Variants in SHPRH observed in about 807,000 individuals in gnomAD.
SHPRH encodes E3 ubiquitin-protein ligase SHPRH.
In SHPRH, 106 loss-of-function variants were observed where a neutral mutation model predicts 202.5. The observed-to-expected ratio is 0.52, with a 90% CI of 0.45 to 0.62. The LOEUF is 0.62. Ranked by LOEUF, SHPRH falls within the 20% of genes least tolerant of loss-of-function variation. The probability of loss-of-function intolerance (pLI) is 0.00; values close to 1 mark genes in which losing one functional copy is unlikely to be tolerated. For synonymous variants in SHPRH, 729 were observed against 686.0 expected (o/e 1.06, Z -0.98); for missense variants, 1,710 against 2,020.0 (o/e 0.85, Z 2.94).
At chr6:145,954,591 G>A (rs1788306387) in intron 2 of SHPRH, 99 bp downstream of exon 2, 1 of 1,251,176 alleles carries the variant, frequency 8.0e-7, no homozygotes, top group South Asian at 1.5e-5. Flanking sequence ...ACAATGAAAG[G>A]CTTATTGCTG....
intron 2 of SHPRH, among the ~76,000 whole-genome samples, chr6:145,868,926 ATATT>A (rs1306008260): frequency 6.6e-6 from 1 of 152,186 alleles, no homozygotes. Flanking sequence ...AATGCCTCTC[ATATT>A]TATTTCATGA....
At chr6:145,898,100 T>C (rs906205697) in intron 25 of SHPRH, among the ~76,000 whole-genome samples, 2 of 152,162 alleles carry the variant, frequency 1.3e-5, no homozygotes, top group Non-Finnish European at 2.9e-5. Context: ...ATCTTATATA[T>C]ACAAAATCCT....
chr6:145,886,930 A>T (rs1335886710), intron 29 of SHPRH, 143 bp from the exon 30 acceptor site: 2 of 780,184 alleles, frequency 2.6e-6, no homozygotes, highest in Non-Finnish European at 3.8e-6. Flanking sequence ...AAAGCAAGTG[A>T]TAAAATCTTT....
chr6:145,870,470 G>A (rs1360249602), intron 2 of SHPRH, among the ~76,000 whole-genome samples: 5 of 151,906 alleles, frequency 3.3e-5, no homozygotes, highest in Admixed American at 6.6e-5. Context: ...CACCATGTTA[G>A]CCAGGATAGT....
In SHPRH at chr6:145,886,608, G is replaced by A. The variant is rs1197149221; in HGVS notation, c.*83C>T. The A allele has an allele frequency of 2.6e-6, 4 of 1,567,812 alleles. No individual in the cohort carries two copies. In the East Asian group the frequency reaches 9.1e-5, roughly 36 times the overall value. On this transcript the variant is annotated 3_prime_UTR_variant, in exon 30 of 30. Coordinates refer to ENST00000275233, the MANE Select transcript of SHPRH (RefSeq NM_001042683.3). ...AGGAACAGTGTTACTGTTATCTACT[G>A]GGTTTTTAAAACTTGTAACTTTGCT...
At chr6:145,869,498 TTTGAG>T (rs1212717043) in intron 2 of SHPRH, among the ~76,000 whole-genome samples, 5 of 152,192 alleles carry the variant, frequency 3.3e-5, no homozygotes, top group Admixed American at 3.3e-4. Context: ...TGTGATTCAT[TTTGAG>T]TTAATTTTTG....
chr6:145,892,550 T>C (rs1418061052), intron 28 of SHPRH, among the ~76,000 whole-genome samples: 3 of 152,220 alleles, frequency 2.0e-5, no homozygotes, highest in African/African-American at 7.2e-5. Flanking sequence ...TAAGTGCTTA[T>C]TATGGATGTG....
chr6:145,909,516 G>A (rs1158344842), intron 25 of SHPRH: 1 of 152,118 alleles, frequency 6.6e-6, no homozygotes, highest in Non-Finnish European at 1.5e-5. Flanking sequence ...TGCAGCTACA[G>A]TTTTCTTGGG....
chr6:145,900,836 T>G (rs1782443840), intron 25 of SHPRH, among the ~76,000 whole-genome samples: 1 of 152,278 alleles, frequency 6.6e-6, no homozygotes, highest in Non-Finnish European at 1.5e-5. Flanking sequence ...TTTTTAAATA[T>G]GCTGTATTGT....
At chr6:145,941,993 A>T in intron 9 of SHPRH, 119 bp from the exon 10 acceptor site, 1 of 1,205,878 alleles carries the variant, frequency 8.3e-7, no homozygotes, top group Non-Finnish European at 1.1e-6. Context: ...TCATGCTATG[A>T]GACAGATCCC....
At position 145,935,164 on chromosome 6, in the gene SHPRH, C is replaced by CT. The variant is rs1473554607; in HGVS notation, c.2734-2dup. ...CTTCGGTTTGTGGTGGTATTTGGAT[C>CT]TGTGAAAAGGAGCAGAAAAAAAAAA... On this transcript the variant is annotated splice_acceptor_variant, in intron 12 of 29. Coordinates refer to ENST00000275233, the MANE Select transcript of SHPRH (RefSeq NM_001042683.3). LOFTEE classifies it high-confidence loss of function. The CT allele has an allele frequency of 5.0e-6, 8 of 1,610,190 alleles. No homozygotes were observed. The highest frequency in any genetic ancestry group is 6.8e-6 in the Non-Finnish European group (8 of 1,178,958).
chr6:145,910,750 C>T, intron 24 of SHPRH, 114 bp from the exon 25 acceptor site: 1 of 1,064,478 alleles, frequency 9.4e-7, no homozygotes, highest in Non-Finnish European at 1.3e-6. Flanking sequence ...CATTAATATT[C>T]TTTGTCATAA....
At chr6:145,892,393 C>T (rs1168785474) in intron 28 of SHPRH, among the ~76,000 whole-genome samples, 1 of 152,088 alleles carries the variant, frequency 6.6e-6, no homozygotes, top group African/African-American at 2.4e-5. Context: ...TATACTTTTG[C>T]ACATTCTACC....
intron 25 of SHPRH, chr6:145,907,074 A>T (rs1433950425): frequency 1.3e-5 from 2 of 152,106 alleles, no homozygotes; most frequent in Non-Finnish European, 2.9e-5. Context: ...TTGTATCTCC[A>T]GCTCCACATA....
intron 23 of SHPRH, among the ~76,000 whole-genome samples, chr6:145,916,877 G>A (rs1784005318): frequency 6.6e-6 from 1 of 151,894 alleles, no homozygotes; most frequent in Admixed American, 6.6e-5. Context: ...CTGTCTCCCA[G>A]GTTCAAGCGA....
At chr6:145,936,978 C>CTTTTTT (rs1206387630) in intron 11 of SHPRH, among the ~76,000 whole-genome samples, 9 of 125,662 alleles carry the variant, frequency 7.2e-5, no homozygotes, top group Middle Eastern at 3.8e-3. Context: ...CATGCTTCAT[C>CTTTTTT]TTTTTTTTTT....
Position 145,923,681 on chromosome 6 carries a change from G to A in SHPRH, c.3507C>T (p.Asn1169=). Reference sequence around the variant, plus strand: ...AAAGCTTGCCAGTTTGTTGCTTGTAGTTGCTGGTTATTTCATTTCGCACTC... The same window carrying A: ...AAAGCTTGCCAGTTTGTTGCTTGTAATTGCTGGTTATTTCATTTCGCACTC... ...VQRVRNEITS[N]YKQQTGKLSM... The change falls in exon 18 of 30, where the codon AAC becomes AAT. Residue 1169 remains asparagine (N), a synonymous_variant. Transcript: ENST00000275233. The A allele has an allele frequency of 6.2e-7, 1 of 1,611,594 alleles. No homozygotes were observed.
chr6:145,950,277 G>T lies in SHPRH; in HGVS notation c.969C>A (p.Ser323Arg), dbSNP rs1251576030. ...TCTTATTCTTACCAGTAGCAGGACT[G>T]CTTCTGAAACACTCTTGTTGTAGCA... ...NWMLQQECFR[S>R]SPATESALHF... The change falls in exon 4 of 30, where the codon AGC becomes AGA. Residue 323 changes from serine to arginine, a missense_variant. Around this residue, in one of 8 missense-constraint regions of SHPRH, gnomAD observed 459 missense variants for 426.5 expected, o/e 1.08. Coordinates refer to ENST00000275233, the MANE Select transcript of SHPRH (RefSeq NM_001042683.3). The T allele has an allele frequency of 1.2e-6, 2 of 1,612,692 alleles. No individual in the cohort carries two copies. Among genetic ancestry groups the T allele is most frequent in the African/African-American group, 2.7e-5 (2 of 74,822 alleles).
At chr6:145,874,208 A>AT (rs1780194877) in intron 2 of SHPRH, among the ~76,000 whole-genome samples, 1 of 136,550 alleles carries the variant, frequency 7.3e-6, no homozygotes, top group Non-Finnish European at 1.5e-5. Context: ...CAAAAATAAT[A>AT]AAATAATAAT....
Sources: gnomAD v4.1 joint callset for allele counts (sites outside exome capture counted in the v4.1 genomes callset) on GRCh38, gnomAD v4.1.1 for gene constraint, gnomAD v4.1.1 regional missense constraint, MANE v1.5 for transcripts, NCBI Gene and HGNC (gene_info 2026-07-23, HGNC 2026-07-21) for gene names.